Variants in ZBTB20 observed in about 807,000 individuals in gnomAD.
The protein encoded by ZBTB20 is zinc finger and BTB domain containing 20.
Under a neutral mutation model 56.9 loss-of-function variants are expected in ZBTB20, and 9 were observed. The observed-to-expected ratio is 0.16, with a 90% CI of 0.10 to 0.28. ZBTB20 has a LOEUF of 0.28. Ranked by LOEUF, ZBTB20 falls within the 10% of genes least tolerant of loss-of-function variation. ZBTB20 has a pLI of 1.00. For missense variants in ZBTB20, 655 were observed against 1,003.0 expected, an observed-to-expected ratio of 0.65 and a Z score of 4.69; for synonymous variants, 417 against 420.7, an observed-to-expected ratio of 0.99 and a Z score of 0.11.
chr3:114,723,369 T>C (rs2065046322), intron 5 of ZBTB20, among the ~76,000 whole-genome samples: 4 of 152,348 alleles, frequency 2.6e-5, no homozygotes, highest in South Asian at 4.1e-4. Context: ...ATATGAATAT[T>C]TGGATGGCCC....
intron 4 of ZBTB20, among the ~76,000 whole-genome samples, chr3:114,850,905 T>C (rs1416252886): frequency 6.6e-6 from 1 of 152,218 alleles, no homozygotes; most frequent in Non-Finnish European, 1.5e-5. Flanking sequence ...GCCACTCATC[T>C]AGTCTAAATG....
In ZBTB20 at chr3:114,350,980, G is replaced by A. The variant is rs1560114245; in HGVS notation, c.1098C>T (p.Thr366=). ...CTEDTDQAEG[T]ESEPKGESFD... ...AGCTTTCACCTTTGGGCTCACTCTC[G>A]GTGCCCTCGGCCTGGTCTGTGTCTT... The change falls in exon 11 of 12, where the codon ACC becomes ACT. Residue 366 remains threonine, a synonymous_variant. Transcript: ENST00000675478. 1 of 1,608,550 alleles carries A rather than the reference G, an allele frequency of 6.2e-7. No individual in the cohort carries two copies. Among genetic ancestry groups the A allele is most frequent in the Non-Finnish European group, 8.5e-7 (1 of 1,179,908 alleles).
At chr3:115,143,350 A>C (rs964023420) in intron 1 of ZBTB20, among the ~76,000 whole-genome samples, 60 of 152,288 alleles carry the variant, frequency 3.9e-4, no homozygotes, top group Non-Finnish European at 5.6e-4. Context: ...AATTACAATA[A>C]ATTTTCACCT....
intron 2 of ZBTB20, among the ~76,000 whole-genome samples, chr3:115,053,145 T>C (rs1247820198): frequency 6.6e-6 from 1 of 152,190 alleles, no homozygotes; most frequent in African/African-American, 2.4e-5. Flanking sequence ...ACAAAGCCTA[T>C]GTTGTTTTCC....
intron 3 of ZBTB20, among the ~76,000 whole-genome samples, chr3:114,969,750 A>G (rs1277916368): frequency 1.3e-5 from 2 of 152,342 alleles, no homozygotes; most frequent in African/African-American, 4.8e-5. Flanking sequence ...ATGTTATAAC[A>G]GTAAAATTAT....
chr3:114,837,486 C>T (rs1394796713), intron 4 of ZBTB20, among the ~76,000 whole-genome samples: 3 of 152,082 alleles, frequency 2.0e-5, no homozygotes, highest in African/African-American at 7.2e-5. Flanking sequence ...AGGTTGTGAT[C>T]AAACTGTCAG....
At chr3:114,450,747 A>T (rs750398315) in intron 7 of ZBTB20, among the ~76,000 whole-genome samples, 1 of 152,160 alleles carries the variant, frequency 6.6e-6, no homozygotes, top group Admixed American at 6.6e-5. Flanking sequence ...TTCTTTTGCT[A>T]ACTAAAATCA....
At chr3:114,889,718 A>T (rs891813960) in intron 4 of ZBTB20, among the ~76,000 whole-genome samples, 111 of 152,082 alleles carry the variant, frequency 7.3e-4, no homozygotes, top group Non-Finnish European at 1.4e-3. Context: ...GGTGCAAATA[A>T]CTCAACAGTA....
intron 5 of ZBTB20, among the ~76,000 whole-genome samples, chr3:114,702,798 A>G (rs2063474855): frequency 6.6e-6 from 1 of 152,184 alleles, no homozygotes; most frequent in South Asian, 2.1e-4. Flanking sequence ...TTGAATAAAT[A>G]AATACTTGTT....
intron 4 of ZBTB20, among the ~76,000 whole-genome samples, chr3:114,811,506 C>T (rs2072512496): frequency 6.6e-6 from 1 of 152,124 alleles, no homozygotes; most frequent in African/African-American, 2.4e-5. Flanking sequence ...ATTATCTAAA[C>T]TCATTTTCCT....
chr3:115,043,773 T>C (rs1041503970), intron 2 of ZBTB20, among the ~76,000 whole-genome samples: 2 of 152,098 alleles, frequency 1.3e-5, no homozygotes, highest in African/African-American at 4.8e-5. Context: ...CATAAGCCCT[T>C]ATTTTCAGAA....
intron 1 of ZBTB20, chr3:115,100,220 C>G (rs1357581440): frequency 6.6e-6 from 1 of 151,836 alleles, no homozygotes; most frequent in Non-Finnish European, 1.5e-5. Context: ...CGGTGTCTCC[C>G]TGGAAGTACA....
chr3:114,381,384 T>C (rs1560170624), intron 8 of ZBTB20, among the ~76,000 whole-genome samples: 1 of 152,200 alleles, frequency 6.6e-6, no homozygotes, highest in Non-Finnish European at 1.5e-5. Context: ...ACAGCACAGC[T>C]ATCAGTCAGC....
intron 7 of ZBTB20, among the ~76,000 whole-genome samples, chr3:114,419,407 A>G (rs2088913265): frequency 6.6e-6 from 1 of 152,062 alleles, no homozygotes; most frequent in Admixed American, 6.6e-5. Flanking sequence ...CTGATTTGAG[A>G]AAGGACTGAC....
At chr3:114,511,148 A>C (rs1487519901) in intron 6 of ZBTB20, among the ~76,000 whole-genome samples, 1 of 151,814 alleles carries the variant, frequency 6.6e-6, no homozygotes, top group Admixed American at 6.6e-5. Flanking sequence ...TATAGTATAG[A>C]GTGGTTTTTG....
At chr3:114,930,269 A>G (rs2076305697) in intron 3 of ZBTB20, among the ~76,000 whole-genome samples, 1 of 152,206 alleles carries the variant, frequency 6.6e-6, no homozygotes, top group African/African-American at 2.4e-5. Flanking sequence ...ACAAGCTACA[A>G]CAGCAGAAAG....
chr3:114,585,356 G>A (rs1013103416), intron 6 of ZBTB20, among the ~76,000 whole-genome samples: 9 of 152,156 alleles, frequency 5.9e-5, no homozygotes, highest in African/African-American at 2.2e-4. Context: ...GAGGTTAAGG[G>A]AAGCTACTGA....
intron 6 of ZBTB20, among the ~76,000 whole-genome samples, chr3:114,541,079 T>C (rs2049055443): frequency 6.6e-6 from 1 of 152,126 alleles, no homozygotes; most frequent in African/African-American, 2.4e-5. Context: ...AGATTTAATA[T>C]TAATCTCTAG....
chr3:114,937,781 G>T (rs540041913), intron 3 of ZBTB20, among the ~76,000 whole-genome samples: 1 of 152,192 alleles, frequency 6.6e-6, no homozygotes, highest in Admixed American at 6.5e-5. Context: ...TGATAGGGTT[G>T]TTTGTTTTCT....
Sources: gnomAD v4.1 joint callset for allele counts (sites outside exome capture counted in the v4.1 genomes callset) on GRCh38, gnomAD v4.1.1 for gene constraint, MANE v1.5 for transcripts, NCBI Gene and HGNC (gene_info 2026-07-23, HGNC 2026-07-21) for gene names.